FMN1: variants seen among roughly 807,000 people sequenced by gnomAD.
FMN1 encodes formin 1, also known as formin-1.
In FMN1, 110 loss-of-function variants were observed where a neutral mutation model predicts 132.4. That is an observed-to-expected ratio of 0.83 (90% confidence interval 0.71 to 0.97). The LOEUF (loss-of-function observed/expected upper bound fraction) is 0.97, where lower values mean the gene tolerates loss of function less well. Ranked by LOEUF, FMN1 falls within the 50% of genes least tolerant of loss-of-function variation. FMN1 has a pLI of 0.00. For synonymous variants in FMN1, 722 were observed against 651.7 expected (o/e 1.11, Z -1.64); for missense variants, 1,792 against 1,705.3 (o/e 1.05, Z -0.90).
chr15:32,830,052 A>T (rs2058464653), intron 17 of FMN1, among the ~76,000 whole-genome samples: 1 of 152,218 alleles, frequency 6.6e-6, no homozygotes, highest in African/African-American at 2.4e-5. Flanking sequence ...TTATTTTTAA[A>T]AGCAAATGGA....
Position 32,767,276 on chromosome 15 carries a change from T to C in FMN1, c.*7034A>G, listed in dbSNP as rs919658863. On this transcript the variant is annotated 3_prime_UTR_variant, in exon 21 of 21. Transcript: ENST00000616417. ...ACAAGATACCAGTTATATGAAGACATAAAACTGCATGGATCAGGTGCACTT... is the reference window on the plus strand; with the variant it reads ...ACAAGATACCAGTTATATGAAGACACAAAACTGCATGGATCAGGTGCACTT... 3 of 152,178 alleles carry C rather than the reference T, an allele frequency of 2.0e-5. No homozygotes were observed. Among genetic ancestry groups the C allele is most frequent in the African/African-American group, 7.2e-5 (3 of 41,442 alleles). 9.4% of individuals were successfully genotyped at this position (152,178 alleles called of 1,614,324 possible). A position where few individuals can be genotyped will look rare whatever the true frequency, so the allele number is the denominator to read the frequency against.
intron 6 of FMN1, among the ~76,000 whole-genome samples, chr15:33,029,318 T>A (rs1291490325): frequency 6.6e-6 from 1 of 152,106 alleles, no homozygotes; most frequent in Admixed American, 6.5e-5. Context: ...ACCTTTCTAA[T>A]ATATTTTCTA....
intron 4 of FMN1, among the ~76,000 whole-genome samples, chr15:33,102,155 T>C (rs756509930): frequency 1.3e-5 from 2 of 152,212 alleles, no homozygotes; most frequent in South Asian, 2.1e-4. Context: ...TTTATGTGTA[T>C]CTGCTTTACC....
intron 6 of FMN1, among the ~76,000 whole-genome samples, chr15:33,034,383 T>C (rs1036480967): frequency 6.6e-6 from 1 of 152,042 alleles, no homozygotes; most frequent in Non-Finnish European, 1.5e-5. Context: ...GAGACCAGCC[T>C]GGGCAACATA....
chr15:32,792,459 C>A (rs1452736538), intron 19 of FMN1, among the ~76,000 whole-genome samples: 3 of 136,962 alleles, frequency 2.2e-5, no homozygotes, highest in Non-Finnish European at 3.2e-5. Context: ...CAAAATAAAA[C>A]AAACAAACAA....
At chr15:33,019,662 A>C (rs1291564680) in intron 6 of FMN1, among the ~76,000 whole-genome samples, 1 of 152,206 alleles carries the variant, frequency 6.6e-6, no homozygotes, top group African/African-American at 2.4e-5. Flanking sequence ...AATCGAGCGC[A>C]GCACCAGTGG....
At chr15:32,896,154 T>C (rs1163827592) in intron 15 of FMN1, among the ~76,000 whole-genome samples, 1 of 152,094 alleles carries the variant, frequency 6.6e-6, no homozygotes, top group Non-Finnish European at 1.5e-5. Flanking sequence ...TTGACACATA[T>C]TTATTTAGAT....
At chr15:32,925,968 A>AG (rs1169779128) in intron 10 of FMN1, among the ~76,000 whole-genome samples, 1 of 152,210 alleles carries the variant, frequency 6.6e-6, no homozygotes, top group Non-Finnish European at 1.5e-5. Context: ...TGACTTATAA[A>AG]GCATCTGAAA....
intron 17 of FMN1, among the ~76,000 whole-genome samples, chr15:32,816,827 T>A (rs550069377): frequency 1.3e-5 from 2 of 152,326 alleles, no homozygotes; most frequent in Admixed American, 6.5e-5. Context: ...TCACACCTTA[T>A]ACTCACAGGC....
chr15:32,928,353 C>T (rs147845991), intron 9 of FMN1, among the ~76,000 whole-genome samples: 21 of 151,570 alleles, frequency 1.4e-4, no homozygotes, highest in Non-Finnish European at 1.9e-4. Context: ...AAGCATAATA[C>T]AATATCTTCC....
At chr15:32,985,435 C>T (rs1385758043) in intron 7 of FMN1, among the ~76,000 whole-genome samples, 1 of 152,066 alleles carries the variant, frequency 6.6e-6, no homozygotes, top group African/African-American at 2.4e-5. Flanking sequence ...ATCACTGTAG[C>T]AGGGGTCACT....
At chr15:33,082,105 G>A in intron 5 of FMN1, among the ~76,000 whole-genome samples, 1 of 148,296 alleles carries the variant, frequency 6.7e-6, no homozygotes, top group South Asian at 2.3e-4. Flanking sequence ...GTGTGTGTGT[G>A]TGTGTGTGTG....
At chr15:32,930,592 T>C (rs1490740265) in intron 9 of FMN1, among the ~76,000 whole-genome samples, 2 of 152,130 alleles carry the variant, frequency 1.3e-5, no homozygotes, top group African/African-American at 2.4e-5. Context: ...TTATCAGACA[T>C]ATGGTTTGCA....
In FMN1 at chr15:33,154,995, G is replaced by A. The variant is rs1359663103; in HGVS notation, c.-81C>T. The A allele has an allele frequency of 1.7e-6, 2 of 1,160,414 alleles. No homozygotes were observed. Among genetic ancestry groups the A allele is most frequent in the African/African-American group, 1.5e-5 (1 of 64,568 alleles). The allele number at this position is 1,160,414 out of a possible 1,614,324, so 71.9% of individuals were successfully genotyped here. A position where few individuals can be genotyped will look rare whatever the true frequency, so the allele number is the denominator to read the frequency against. Reference sequence around the variant, plus strand: ...AGGCTCCAGTGGTGAGGCATGTGATGGTGGCTATGCAGAGAAAGCAGCTGA... The same window carrying A: ...AGGCTCCAGTGGTGAGGCATGTGATAGTGGCTATGCAGAGAAAGCAGCTGA... On this transcript the variant is annotated 5_prime_UTR_variant, in exon 4 of 21. Coordinates refer to ENST00000616417, the MANE Select transcript of FMN1 (RefSeq NM_001277313.2).
chr15:32,834,542 G>A (rs1052600182), intron 17 of FMN1, among the ~76,000 whole-genome samples: 1 of 152,168 alleles, frequency 6.6e-6, no homozygotes, highest in African/African-American at 2.4e-5. Flanking sequence ...ACTATTAATA[G>A]TTCCTCCAAA....
At chr15:32,860,483 T>C (rs1271969204) in intron 16 of FMN1, among the ~76,000 whole-genome samples, 2 of 152,134 alleles carry the variant, frequency 1.3e-5, no homozygotes, top group East Asian at 3.9e-4. Flanking sequence ...TGAAACCCTG[T>C]TTCTACAAAA....
At chr15:32,808,936 G>A (rs1448656467) in intron 17 of FMN1, among the ~76,000 whole-genome samples, 2 of 148,806 alleles carry the variant, frequency 1.3e-5, no homozygotes, top group Non-Finnish European at 3.0e-5. Flanking sequence ...CTGAGCTGAT[G>A]TCCTTAGCAT....
At chr15:33,097,052 G>C (rs1442705749) in intron 4 of FMN1, among the ~76,000 whole-genome samples, 1 of 152,120 alleles carries the variant, frequency 6.6e-6, no homozygotes, top group Non-Finnish European at 1.5e-5. Context: ...CCAGCACTTT[G>C]GGAGGCCGAG....
chr15:32,963,923 TCACACACACA>T (rs35753530), intron 9 of FMN1, among the ~76,000 whole-genome samples, 174 bp downstream of exon 9: 4 of 143,788 alleles, frequency 2.8e-5, no homozygotes, highest in African/African-American at 1.0e-4. Flanking sequence ...TTCCTATGAA[TCACACACACA>T]CACACACACA....
Sources: gnomAD v4.1 joint callset for allele counts (sites outside exome capture counted in the v4.1 genomes callset) on GRCh38, gnomAD v4.1.1 for gene constraint, MANE v1.5 for transcripts, NCBI Gene and HGNC (gene_info 2026-07-23, HGNC 2026-07-21) for gene names.